RFX4: variants seen among roughly 807,000 people sequenced by gnomAD.
The protein encoded by RFX4 is regulatory factor X4.
In RFX4, 10 loss-of-function variants were observed where a neutral mutation model predicts 95.0. That is an observed-to-expected ratio of 0.11 (90% CI 0.06 to 0.18). RFX4 has a LOEUF of 0.18. Among genes scored for constraint, RFX4 ranks in the 10% least tolerant of loss-of-function variants. The pLI is 1.00. For synonymous variants in RFX4, 321 were observed against 340.7 expected, an observed-to-expected ratio of 0.94 and a Z score of 0.64; for missense variants, 640 against 922.0, an observed-to-expected ratio of 0.69 and a Z score of 3.96.
At chr12:106,640,833 T>A (rs2040607937) in intron 3 of RFX4, among the ~76,000 whole-genome samples, 1 of 145,800 alleles carries the variant, frequency 6.9e-6, no homozygotes, top group African/African-American at 2.6e-5. Flanking sequence ...CAGGCTGGAG[T>A]GCTGTGGCGT....
intron 16 of RFX4, among the ~76,000 whole-genome samples, chr12:106,749,277 A>G (rs2042955896): frequency 6.7e-6 from 1 of 149,932 alleles, no homozygotes; most frequent in Admixed American, 6.6e-5. Context: ...AAAAAAAAAA[A>G]GAGAGCTCCT....
intron 17 of RFX4, among the ~76,000 whole-genome samples, chr12:106,752,319 C>G (rs2043022662): frequency 6.6e-6 from 1 of 152,046 alleles, no homozygotes; most frequent in Non-Finnish European, 1.5e-5. Context: ...GTACCAGTAC[C>G]ATGCTGTTTT....
intron 4 of RFX4, among the ~76,000 whole-genome samples, chr12:106,658,160 G>C (rs1404545543): frequency 6.6e-6 from 1 of 152,082 alleles, no homozygotes; most frequent in Non-Finnish European, 1.5e-5. Context: ...TACATTACTT[G>C]TCAGGGACCA....
chr12:106,727,168 C>G (rs936553483), intron 13 of RFX4, among the ~76,000 whole-genome samples: 43 of 151,944 alleles, frequency 2.8e-4, no homozygotes, highest in African/African-American at 9.9e-4. Flanking sequence ...TAGACTATGC[C>G]AAAAATCCTA....
At chr12:106,686,529 A>AG (rs1449071561) in intron 5 of RFX4, among the ~76,000 whole-genome samples, 2 of 152,150 alleles carry the variant, frequency 1.3e-5, no homozygotes, top group Non-Finnish European at 2.9e-5. Flanking sequence ...CCCACAGAGA[A>AG]GGGACCCTCA....
At chr12:106,694,708 A>G (rs2137444590) in intron 7 of RFX4, among the ~76,000 whole-genome samples, 1 of 152,230 alleles carries the variant, frequency 6.6e-6, no homozygotes, top group East Asian at 1.9e-4. Flanking sequence ...GAAAGAACCT[A>G]AGCAAAGTAC....
At chr12:106,621,759 C>T (rs963022401) in intron 2 of RFX4, among the ~76,000 whole-genome samples, 1 of 152,182 alleles carries the variant, frequency 6.6e-6, no homozygotes, top group Non-Finnish European at 1.5e-5. Context: ...AGACTATACT[C>T]TTTGCTTGGG....
intron 8 of RFX4, 33 bp from the exon 9 acceptor site, chr12:106,709,297 G>A: frequency 6.4e-7 from 1 of 1,561,606 alleles, no homozygotes; most frequent in South Asian, 1.1e-5. Context: ...AGCAACATGT[G>A]CAGCACTTAA....
intron 4 of RFX4, among the ~76,000 whole-genome samples, chr12:106,666,832 A>C (rs1316531736): frequency 6.6e-6 from 1 of 152,180 alleles, no homozygotes; most frequent in Non-Finnish European, 1.5e-5. Context: ...ATCAATTAGA[A>C]CCCTTAGCAA....
chr12:106,733,740 G>A lies in RFX4; in HGVS notation c.1633+655G>A, dbSNP rs79448061. On this transcript the variant is annotated intron_variant, in intron 15 of 17. Coordinates refer to ENST00000392842, the MANE Select transcript of RFX4 (RefSeq NM_213594.3). The stretch of plus-strand genomic sequence containing the variant: ...CACATAGCATGAGGCTGATGCTACC[G>A]TGAGACTGTGTGGAGGCCCACACAG... Among the ~76,000 whole-genome samples the A allele has an allele frequency of 1.1e-3, 174 of 152,292 alleles. 1 individual carries two copies. The East Asian group carries it at 0.017, about 15-fold the overall frequency.
At chr12:106,657,211 C>T (rs2040977384) in intron 4 of RFX4, among the ~76,000 whole-genome samples, 1 of 152,234 alleles carries the variant, frequency 6.6e-6, no homozygotes, top group South Asian at 2.1e-4. Flanking sequence ...TGAGCAGATC[C>T]ATCCAAACTT....
At chr12:106,632,665 C>A (rs554477142) in intron 2 of RFX4, among the ~76,000 whole-genome samples, 1 of 152,264 alleles carries the variant, frequency 6.6e-6, no homozygotes, top group South Asian at 2.1e-4. Context: ...TTTGGGGTTT[C>A]TTTTTGTTTT....
chr12:106,642,012 T>C (rs1293502809), intron 3 of RFX4, among the ~76,000 whole-genome samples: 1 of 151,456 alleles, frequency 6.6e-6, no homozygotes, highest in Non-Finnish European at 1.5e-5. Context: ...TATATCTATA[T>C]CTATATCTAT....
intron 2 of RFX4, among the ~76,000 whole-genome samples, chr12:106,637,999 T>C (rs186005057): frequency 6.6e-6 from 1 of 152,140 alleles, no homozygotes; most frequent in East Asian, 1.9e-4. Flanking sequence ...TTATATTCGA[T>C]TATTACTATT....
intron 14 of RFX4, among the ~76,000 whole-genome samples, chr12:106,732,657 G>A (rs994355776): frequency 1.3e-5 from 2 of 152,000 alleles, no homozygotes; most frequent in South Asian, 2.1e-4. Flanking sequence ...CCGAGTGTGC[G>A]CCACTGCACT....
intron 17 of RFX4, among the ~76,000 whole-genome samples, chr12:106,755,999 A>G (rs1354526707): frequency 6.6e-6 from 1 of 152,250 alleles, no homozygotes; most frequent in East Asian, 1.9e-4. Context: ...TGTTTTCAAA[A>G]TAGAATATGT....
Position 106,709,418 on chromosome 12 carries a change from A to G in RFX4, c.922A>G (p.Ile308Val), listed in dbSNP as rs2042150629. The change falls in exon 9 of 18, where the codon ATC (isoleucine) becomes GTC (valine). Residue 308 changes from isoleucine to valine, a missense_variant. Coordinates refer to ENST00000392842, the MANE Select transcript of RFX4 (RefSeq NM_213594.3). ...LHDLPENLRN[I>V]KFELSRRFSQ... ...CGACCTCCCAGAAAACTTGCGAAAC[A>G]TCAAGTTCGAATGTAAGTACTGAGT... 1 of 1,612,168 alleles carries G rather than the reference A, an allele frequency of 6.2e-7. No individual in the cohort carries two copies. Among genetic ancestry groups the G allele is most frequent in the South Asian group, 1.1e-5 (1 of 90,606 alleles).
chr12:106,629,469 GTTGTTTTGTT>G (rs755121033), intron 2 of RFX4, among the ~76,000 whole-genome samples: 2 of 151,964 alleles, frequency 1.3e-5, no homozygotes, highest in Non-Finnish European at 2.9e-5. Context: ...TGTTTGTTTT[GTTGTTTTGTT>G]TTGTTTTGTT....
intron 3 of RFX4, among the ~76,000 whole-genome samples, chr12:106,648,961 T>C (rs2040807657): frequency 6.6e-6 from 1 of 152,140 alleles, no homozygotes; most frequent in South Asian, 2.1e-4. Context: ...CTTAAAAATA[T>C]ATAACTCAGA....
Sources: gnomAD v4.1 joint callset for allele counts (sites outside exome capture counted in the v4.1 genomes callset) on GRCh38, gnomAD v4.1.1 for gene constraint, MANE v1.5 for transcripts, NCBI Gene and HGNC (gene_info 2026-07-23, HGNC 2026-07-21) for gene names.